PAAF1: variants seen among roughly 807,000 people sequenced by gnomAD.
PAAF1 encodes the protein proteasomal ATPase associated factor 1, also known as proteasomal ATPase-associated factor 1.
In PAAF1, 46 loss-of-function variants were observed where a neutral mutation model predicts 52.8. The observed-to-expected ratio is 0.87, with a 90% CI of 0.69 to 1.11. PAAF1 has a LOEUF of 1.11. Among genes scored for constraint, PAAF1 ranks in the 50% most tolerant of loss-of-function variants. The pLI, the probability that PAAF1 is intolerant of heterozygous loss-of-function variation, is 0.00. For synonymous variants in PAAF1, 178 were observed against 172.8 expected (o/e 1.03, Z -0.24); for missense variants, 424 against 477.4 (o/e 0.89, Z 1.04).
At chr11:73,889,538 C>T (rs1949146558) in intron 3 of PAAF1, among the ~76,000 whole-genome samples, 1 of 152,140 alleles carries the variant, frequency 6.6e-6, no homozygotes, top group Non-Finnish European at 1.5e-5. Context: ...CATTTATCTT[C>T]CTTTGTAGTC....
At chr11:73,912,123 AC>A (rs1362336909) in intron 7 of PAAF1, among the ~76,000 whole-genome samples, 1 of 151,668 alleles carries the variant, frequency 6.6e-6, no homozygotes, top group Non-Finnish European at 1.5e-5. Context: ...CTTTTATGAA[AC>A]TCCTCTCTTC....
intron 9 of PAAF1, 67 bp from the exon 10 acceptor site, chr11:73,918,883 T>C: frequency 8.6e-7 from 1 of 1,165,066 alleles, no homozygotes; most frequent in African/African-American, 1.5e-5. Context: ...TAGTACTATA[T>C]GTTGAATATA....
At position 73,905,079 on chromosome 11, in the gene PAAF1, G is replaced by C. The variant is rs188939561; in HGVS notation, c.533-4320G>C. On this transcript the variant is annotated intron_variant, in intron 6 of 11. Transcript: ENST00000310571. The stretch of plus-strand genomic sequence containing the variant: ...GCTGCAGTGTGATATAATTGTGCCT[G>C]TGAATAGCAATGGCACTCTAGTCTG... Among the ~76,000 whole-genome samples the C allele has an allele frequency of 6.6e-5, 10 of 152,290 alleles. No homozygotes were observed. In the East Asian group the frequency reaches 1.9e-3, roughly 29 times the overall value.
chr11:73,926,207 A>G (rs969860306), intron 11 of PAAF1, among the ~76,000 whole-genome samples: 3 of 152,128 alleles, frequency 2.0e-5, no homozygotes, highest in African/African-American at 7.2e-5. Context: ...CCCAGGTTCA[A>G]GCGATTCTCC....
At chr11:73,908,069 A>G (rs1168338482) in intron 6 of PAAF1, among the ~76,000 whole-genome samples, 3 of 151,978 alleles carry the variant, frequency 2.0e-5, no homozygotes, top group South Asian at 2.1e-4. Context: ...TGTGGTGTCA[A>G]TGACTTTTCA....
intron 4 of PAAF1, among the ~76,000 whole-genome samples, chr11:73,897,101 G>A (rs1949407019): frequency 6.9e-6 from 1 of 144,744 alleles, no homozygotes; most frequent in Non-Finnish European, 1.5e-5. Context: ...TGGCCGGGCA[G>A]AGTGGCTCCT....
At position 73,891,220 on chromosome 11, in the gene PAAF1, T is replaced by C; in HGVS notation, c.282+19T>C. The stretch of plus-strand genomic sequence containing the variant: ...AAAGAGTGTAAGTATTTTGATAAAA[T>C]GAAGAGAAAATGTAATAGCATGTTA... On this transcript the variant is annotated intron_variant, in intron 4 of 11. Transcript: ENST00000310571. 7.1e-7 allele frequency: 1 copy of C among 1,412,512 alleles called. No homozygotes were observed. Among genetic ancestry groups the C allele is most frequent in the Non-Finnish European group, 9.9e-7 (1 of 1,009,376 alleles). 87.5% of individuals were successfully genotyped at this position (1,412,512 alleles called of 1,614,324 possible).
intron 4 of PAAF1, among the ~76,000 whole-genome samples, chr11:73,891,755 C>CT (rs1949207707): frequency 2.0e-5 from 3 of 151,946 alleles, no homozygotes; most frequent in East Asian, 2.0e-4. Flanking sequence ...AGCCTGGACT[C>CT]TGTCTCCAAA....
At chr11:73,894,664 TA>T (rs570011206) in intron 4 of PAAF1, among the ~76,000 whole-genome samples, 104 of 147,546 alleles carry the variant, frequency 7.0e-4, no homozygotes, top group African/African-American at 2.4e-3. Flanking sequence ...AAAATAAAAA[TA>T]AAAAAAAAAT....
chr11:73,896,756 T>G (rs1050829200), intron 4 of PAAF1, among the ~76,000 whole-genome samples: 4 of 152,224 alleles, frequency 2.6e-5, no homozygotes, highest in African/African-American at 9.6e-5. Flanking sequence ...CTTTCCCCCC[T>G]TTCTATTCTA....
At chr11:73,903,285 G>A (rs1949672835) in intron 6 of PAAF1, among the ~76,000 whole-genome samples, 1 of 152,158 alleles carries the variant, frequency 6.6e-6, no homozygotes, top group African/African-American at 2.4e-5. Context: ...CCACAGCGTG[G>A]CAAAAATCAG....
intron 2 of PAAF1, among the ~76,000 whole-genome samples, chr11:73,884,752 T>A (rs979791988): frequency 1.3e-5 from 2 of 152,242 alleles, no homozygotes; most frequent in Non-Finnish European, 2.9e-5. Flanking sequence ...CCCTAGACTT[T>A]GAGTTTCTCT....
chr11:73,901,045 A>T (rs1328846791), intron 6 of PAAF1, among the ~76,000 whole-genome samples: 2 of 151,942 alleles, frequency 1.3e-5, no homozygotes, highest in Admixed American at 1.3e-4. Context: ...AAGGAAAAAA[A>T]AAATCCTCTC....
chr11:73,887,573 C>T, intron 3 of PAAF1, 116 bp downstream of exon 3: 1 of 635,678 alleles, frequency 1.6e-6, no homozygotes. Flanking sequence ...GTATGAGAAT[C>T]ATAGTTTTTG....
intron 7 of PAAF1, among the ~76,000 whole-genome samples, chr11:73,910,276 C>T (rs1949891858): frequency 6.6e-6 from 1 of 151,966 alleles, no homozygotes; most frequent in Non-Finnish European, 1.5e-5. Flanking sequence ...CGGAGTGTTC[C>T]CGGTTAGTAT....
At chr11:73,922,766 G>A (rs940963279) in intron 10 of PAAF1, among the ~76,000 whole-genome samples, 6 of 147,278 alleles carry the variant, frequency 4.1e-5, no homozygotes, top group East Asian at 2.0e-4. Context: ...GCAGTGAGCC[G>A]AGATCGCGCC....
rs771242610 is a variant in PAAF1, at chr11:73,927,312, A to G, written c.1129A>G (p.Thr377Ala). The change falls in exon 12 of 12, where the codon ACA becomes GCA. Residue 377 changes from threonine to alanine, a missense_variant. Coordinates refer to ENST00000310571, the MANE Select transcript of PAAF1 (RefSeq NM_025155.3). ...AGCCACATGGGAGAAGCAGATCTAC[A>G]CATGCTGTCGAGACGGTCTTGTACG... ...KVATWEKQIYTCCRDGLVRRY... is the reference protein window; with the variant it reads ...KVATWEKQIYACCRDGLVRRY... The G allele has an allele frequency of 8.1e-6, 13 of 1,614,050 alleles. No individual in the cohort carries two copies. The highest frequency in any genetic ancestry group is 1.7e-5 in the Admixed American group (1 of 59,994).
At chr11:73,894,306 C>T (rs1949286138) in intron 4 of PAAF1, among the ~76,000 whole-genome samples, 1 of 152,070 alleles carries the variant, frequency 6.6e-6, no homozygotes, top group African/African-American at 2.4e-5. Flanking sequence ...AGTTTGAGAC[C>T]AGCCTAGGCA....
In PAAF1 at chr11:73,877,027, G is replaced by A. The variant is rs1217608852; in HGVS notation, c.6G>A (p.Ala2=). 3.3e-6 allele frequency: 5 copies of A among 1,534,112 alleles called. No individual in the cohort carries two copies. The highest frequency in any genetic ancestry group is 5.1e-5 in the East Asian group (2 of 39,524). The stretch of plus-strand genomic sequence containing the variant: ...CTGGTGGAGGCGGGGTCGAGATGGC[G>A]GCGCCTTTGAGGATTCAGAGCGACT... The part of the protein sequence containing the change: M[A]APLRIQSDWA... Residue 2 remains alanine (A), a synonymous_variant, in exon 1 of 12, where the codon GCG becomes GCA. Transcript: ENST00000310571.
Sources: gnomAD v4.1 joint callset for allele counts (sites outside exome capture counted in the v4.1 genomes callset) on GRCh38, gnomAD v4.1.1 for gene constraint, MANE v1.5 for transcripts, NCBI Gene and HGNC (gene_info 2026-07-23, HGNC 2026-07-21) for gene names.